The following LBHD1 variants were observed in gnomAD, a reference collection of about 807,000 sequenced individuals.
LBHD1 encodes the protein LBH domain containing 1.
LBHD1 carries 28 observed loss-of-function variants against 31.1 expected under a neutral mutation model. The ratio of observed to expected loss-of-function variants is 0.90; its 90% CI spans 0.67 to 1.24. The LOEUF (loss-of-function observed/expected upper bound fraction) is 1.24, where lower values mean the gene tolerates loss of function less well. LBHD1 is among the 50% of genes most tolerant of loss of function. The probability of loss-of-function intolerance (pLI) is 0.00; values close to 1 mark genes in which losing one functional copy is unlikely to be tolerated. For synonymous variants in LBHD1, 105 were observed against 116.5 expected, an observed-to-expected ratio of 0.90 and a Z score of 0.63; for missense variants, 350 against 323.0, an observed-to-expected ratio of 1.08 and a Z score of -0.64.
Position 62,671,634 on chromosome 11 carries a change from G to C in LBHD1, c.-81C>G. 6.6e-7 allele frequency: 1 copy of C among 1,506,780 alleles called. No homozygotes were observed. The highest frequency in any genetic ancestry group is 8.8e-7 in the Non-Finnish European group (1 of 1,132,738). 93.3% of individuals were successfully genotyped at this position (1,506,780 alleles called of 1,614,324 possible). ...CCTCTCTAGCCGGCCGCTTATCTAT[G>C]GTTTCTGCTATAGGGCGCTCTAGCC... is the stretch of plus-strand genomic sequence containing the variant. On this transcript the variant is annotated 5_prime_UTR_variant, in exon 1 of 7. Coordinates refer to ENST00000354588, the MANE Select transcript of LBHD1 (RefSeq NM_024099.5).
Position 62,662,891 on chromosome 11 carries a change from T to C in LBHD1, c.*238A>G. ...CTTCTCCAATCTTTCTTCTGTACCTTCTTCCCTCCCAAAGACATCCCTCTA... is the reference window on the plus strand; with the variant it reads ...CTTCTCCAATCTTTCTTCTGTACCTCCTTCCCTCCCAAAGACATCCCTCTA... On this transcript the variant is annotated 3_prime_UTR_variant, in exon 7 of 7. Coordinates refer to ENST00000354588, the MANE Select transcript of LBHD1 (RefSeq NM_024099.5). The C allele has an allele frequency of 1.6e-6, 1 of 614,692 alleles. No homozygotes were observed. Among genetic ancestry groups the C allele is most frequent in the Admixed American group, 3.0e-5 (1 of 33,780 alleles). 38.1% of individuals were successfully genotyped at this position (614,692 alleles called of 1,614,324 possible). A position where few individuals can be genotyped will look rare whatever the true frequency, so the allele number is the denominator to read the frequency against.
At chr11:62,666,872 T>C (rs749161623) in intron 4 of LBHD1, 2 of 1,614,158 alleles carry the variant, frequency 1.2e-6, no homozygotes, top group East Asian at 4.5e-5. Flanking sequence ...CCAGCTTCTA[T>C]CAGAATGCTT....
In LBHD1 at chr11:62,663,129, C is replaced by G. The variant is rs1332473135; in HGVS notation, c.792G>C (p.Ter264TyrextTer1). ...CTTTTGCCTTTTGAGCTGTGGTTCA[C>G]TAGTCCTGGCTGGCTTTGAAGGGGC... is the stretch of plus-strand genomic sequence containing the variant. ...SGSPFKASQD[*>Y] Residue 264 changes from the stop codon to tyrosine, a stop_lost, in exon 7 of 7, where the codon TAG becomes TAC. Transcript: ENST00000354588. 1.2e-6 allele frequency: 2 copies of G among 1,614,010 alleles called. No individual in the cohort carries two copies. The highest frequency in any genetic ancestry group is 1.7e-6 in the Non-Finnish European group (2 of 1,179,994).
Position 62,671,663 on chromosome 11 carries a change from G to A in LBHD1, c.-110C>T. On this transcript the variant is annotated 5_prime_UTR_variant, in exon 1 of 7. Coordinates refer to ENST00000354588, the MANE Select transcript of LBHD1 (RefSeq NM_024099.5). Reference sequence around the variant, plus strand: ...TCTGCTATAGGGCGCTCTAGCCTGCGCCAAGGGGTAGTGAGACCGCGCGGC... The same window carrying A: ...TCTGCTATAGGGCGCTCTAGCCTGCACCAAGGGGTAGTGAGACCGCGCGGC... 1 of 1,577,286 alleles carries A rather than the reference G, an allele frequency of 6.3e-7. No individual in the cohort carries two copies. The highest frequency in any genetic ancestry group is 8.6e-7 in the Non-Finnish European group (1 of 1,163,282).
intron 4 of LBHD1, 60 bp downstream of exon 4, chr11:62,667,463 G>A (rs758219416): frequency 2.0e-6 from 3 of 1,520,084 alleles, no homozygotes; most frequent in Non-Finnish European, 1.8e-6. Context: ...GTAAGAGGAT[G>A]GGTATAAGGA....
At chr11:62,667,814 G>A (rs1372994554) in intron 3 of LBHD1, 67 bp from the exon 4 acceptor site, 6 of 1,148,220 alleles carry the variant, frequency 5.2e-6, no homozygotes, top group Non-Finnish European at 7.7e-6. Flanking sequence ...AACTAGGCCA[G>A]GCATGCTGGC....
Position 62,663,143 on chromosome 11 carries a change from C to T in LBHD1, c.778G>A (p.Ala260Thr), listed in dbSNP as rs1457638008. The change falls in exon 7 of 7, where the codon GCC (alanine) becomes ACC (threonine). Residue 260 changes from alanine (A) to threonine (T), a missense_variant. Physicochemically the swap from Ala to Thr is moderately conservative, Grantham distance 58 (BLOSUM62 0). Coordinates refer to ENST00000354588, the MANE Select transcript of LBHD1 (RefSeq NM_024099.5). ...GCTGTGGTTCACTAGTCCTGGCTGG[C>T]TTTGAAGGGGCTTCCACTGAGTAAA... ...DSHGSGSPFK[A>T]SQD The T allele has an allele frequency of 1.2e-6, 2 of 1,614,002 alleles. No homozygotes were observed. Among genetic ancestry groups the T allele is most frequent in the African/African-American group, 2.7e-5 (2 of 74,916 alleles).
In LBHD1 at chr11:62,665,615, C is replaced by A. The variant is rs767734152; in HGVS notation, c.539-642G>T. The A allele has an allele frequency of 2.6e-6, 4 of 1,554,272 alleles. No homozygotes were observed. The Admixed American group carries it at 5.5e-5, about 21-fold the overall frequency. The stretch of plus-strand genomic sequence containing the variant: ...ACCGAGATCCAGCTGGCTCCTCCAT[C>A]GGGGTGCTCACACTTTCTCATTTGA... On this transcript the variant is annotated intron_variant, in intron 4 of 6. Transcript: ENST00000354588.
Position 62,669,773 on chromosome 11 carries a change from T to C in LBHD1, c.181A>G (p.Ile61Val), listed in dbSNP as rs564542952. 9 of 1,614,132 alleles carry C rather than the reference T, an allele frequency of 5.6e-6. No homozygotes were observed. In the African/African-American group the frequency reaches 8.0e-5, roughly 14 times the overall value. The change falls in exon 3 of 7, where the codon ATT (isoleucine) becomes GTT (valine). Residue 61 changes from isoleucine to valine, a missense_variant. Physicochemically the swap from Ile to Val is conservative, Grantham distance 29. Coordinates refer to ENST00000354588, the MANE Select transcript of LBHD1 (RefSeq NM_024099.5). The part of the protein sequence containing the change: ...DFSQKSHLPS[I>V]VVESSEVNEE... ...TTCACCTCACTGGATTCCACCACAA[T>C]AGACGGCAGATGGGACTTTTGAGAG...
At chr11:62,671,264 A>G in intron 1 of LBHD1, 1 of 501,258 alleles carries the variant, frequency 2.0e-6, no homozygotes, top group East Asian at 6.8e-5. Flanking sequence ...AGTATACTTG[A>G]CTTTGAGTGT....
intron 4 of LBHD1, chr11:62,666,338 TACG>T (rs761172802): frequency 3.2e-6 from 5 of 1,552,268 alleles, no homozygotes; most frequent in Middle Eastern, 1.7e-4. Flanking sequence ...AGTGTGTATA[TACG>T]ACGTTTTTGC....
At position 62,671,918 on chromosome 11, in the gene LBHD1, C is replaced by T; in HGVS notation, c.-365G>A. 3 of 1,613,172 alleles carry T rather than the reference C, an allele frequency of 1.9e-6. No homozygotes were observed. The highest frequency in any genetic ancestry group is 1.7e-5 in the Admixed American group (1 of 60,000). ...GGGTGGGCGGGTGGAGAGCCCCGGA[C>T]TGGAGCTCCTGCGAACTCCCCTTCC... On this transcript the variant is annotated 5_prime_UTR_variant, in exon 1 of 7. Coordinates refer to ENST00000354588, the MANE Select transcript of LBHD1 (RefSeq NM_024099.5).
chr11:62,671,621 G>A lies in LBHD1; in HGVS notation c.-68C>T, dbSNP rs1944945128. 3.3e-6 allele frequency: 5 copies of A among 1,505,730 alleles called. No individual in the cohort carries two copies. The highest frequency in any genetic ancestry group is 1.4e-5 in the African/African-American group (1 of 71,796). The allele number at this position is 1,505,730 out of a possible 1,614,324, so 93.3% of individuals were successfully genotyped here. On this transcript the variant is annotated 5_prime_UTR_variant, in exon 1 of 7. Transcript: ENST00000354588. ...TCCTCGAGCAGGTCCTCTCTAGCCGGCCGCTTATCTATGGTTTCTGCTATA... is the reference window on the plus strand; with the variant it reads ...TCCTCGAGCAGGTCCTCTCTAGCCGACCGCTTATCTATGGTTTCTGCTATA...
chr11:62,665,708 C>G (rs1157047711), intron 4 of LBHD1: 1 of 1,462,466 alleles, frequency 6.8e-7, no homozygotes, highest in Non-Finnish European at 9.0e-7. Context: ...CCGTTCCTAC[C>G]ATAGTCTGTG....
chr11:62,670,165 G>T, intron 1 of LBHD1, 124 bp from the exon 2 acceptor site: 1 of 1,020,332 alleles, frequency 9.8e-7, no homozygotes, highest in Non-Finnish European at 1.4e-6. Flanking sequence ...GCGATTATAC[G>T]CTTTCAGGGG....
chr11:62,663,585 T>A (rs1477563146), intron 5 of LBHD1, among the ~76,000 whole-genome samples: 3 of 150,874 alleles, frequency 2.0e-5, no homozygotes, highest in Non-Finnish European at 4.4e-5. Flanking sequence ...TCCCAGCTAC[T>A]CGGGAGGCTG....
At chr11:62,666,590 A>G (rs752869045) in intron 4 of LBHD1, 4 of 1,614,166 alleles carry the variant, frequency 2.5e-6, no homozygotes, top group Non-Finnish European at 3.4e-6. Flanking sequence ...TGGGACTTCC[A>G]GCCTATGTAC....
intron 1 of LBHD1, 161 bp downstream of exon 1, chr11:62,671,403 A>G: frequency 7.9e-7 from 1 of 1,258,112 alleles, no homozygotes; most frequent in Non-Finnish European, 1.0e-6. Flanking sequence ...TGATCGGGAA[A>G]CGTCGGAAGA....
chr11:62,665,019 A>T, intron 4 of LBHD1, 46 bp from the exon 5 acceptor site: 1 of 1,601,058 alleles, frequency 6.2e-7, no homozygotes, highest in Non-Finnish European at 8.5e-7. Flanking sequence ...GCTCGCCGCG[A>T]CCCGGGGCCC....
Sources: allele counts gnomAD v4.1 joint callset (sites outside exome capture counted in the v4.1 genomes callset), GRCh38; gene constraint gnomAD v4.1.1; transcripts MANE v1.5; gene names NCBI Gene and HGNC (gene_info 2026-07-23, HGNC 2026-07-21).